The following FGF1 variants were observed in gnomAD, a reference collection of about 807,000 sequenced individuals.
The protein encoded by FGF1 is beta-endothelial cell growth factor.
FGF1 carries 9 observed loss-of-function variants against 13.4 expected under a neutral mutation model. That is an observed-to-expected ratio of 0.67 (90% CI 0.40 to 1.17). The LOEUF is 1.17. Among genes scored for constraint, FGF1 ranks in the 50% most tolerant of loss-of-function variants. The pLI, the probability that FGF1 is intolerant of heterozygous loss-of-function variation, is 0.01. For missense variants in FGF1, 156 were observed against 192.7 expected (o/e 0.81, Z 1.13); for synonymous variants, 93 against 79.0 (o/e 1.18, Z -0.94).
At chr5:142,607,528 A>C (rs76528118) in intron 2 of FGF1, among the ~76,000 whole-genome samples, 2 of 152,364 alleles carry the variant, frequency 1.3e-5, no homozygotes, top group South Asian at 4.1e-4. Flanking sequence ...ATGGAAAGCA[A>C]CTTTTAAAAA....
At chr5:142,602,718 CT>C (rs148048736) in intron 2 of FGF1, among the ~76,000 whole-genome samples, 30 of 147,444 alleles carry the variant, frequency 2.0e-4, no homozygotes, top group East Asian at 7.9e-4. Flanking sequence ...CTGCACCTTG[CT>C]TTTTTTTTTG....
At chr5:142,662,754 G>T (rs1032444037) in intron 1 of FGF1, among the ~76,000 whole-genome samples, 3 of 152,162 alleles carry the variant, frequency 2.0e-5, no homozygotes, top group Non-Finnish European at 2.9e-5. Context: ...CCTGTAGGTA[G>T]CACTTTTCAT....
Position 142,593,337 on chromosome 5 carries a change from C to T in FGF1, c.*1953G>A, listed in dbSNP as rs1754633606. 1 of 152,096 alleles carries T rather than the reference C, an allele frequency of 6.6e-6. No homozygotes were observed. The highest frequency in any genetic ancestry group is 2.4e-5 in the African/African-American group (1 of 41,418). 9.4% of individuals were successfully genotyped at this position (152,096 alleles called of 1,614,324 possible). On this transcript the variant is annotated 3_prime_UTR_variant, in exon 4 of 4. Coordinates refer to ENST00000337706, the MANE Select transcript of FGF1 (RefSeq NM_000800.5). Reference sequence around the variant, plus strand: ...TAAAATAAAACAGATTGATCTTATCCAAGTAACAAAAACAAAAAAGTTATG... The same window carrying T: ...TAAAATAAAACAGATTGATCTTATCTAAGTAACAAAAACAAAAAAGTTATG...
chr5:142,638,778 G>A (rs1007332257), intron 1 of FGF1, among the ~76,000 whole-genome samples: 1 of 152,008 alleles, frequency 6.6e-6, no homozygotes, highest in Non-Finnish European at 1.5e-5. Context: ...AAACACATCT[G>A]ATAAGGTGTT....
At chr5:142,685,649 T>C (rs1349099208) in intron 1 of FGF1, 1 of 152,170 alleles carries the variant, frequency 6.6e-6, no homozygotes, top group East Asian at 1.9e-4. Flanking sequence ...TGTGGCGGCA[T>C]GGTGCATTCA....
At chr5:142,600,488 T>C (rs1276179744) in intron 3 of FGF1, among the ~76,000 whole-genome samples, 3 of 152,268 alleles carry the variant, frequency 2.0e-5, no homozygotes, top group Non-Finnish European at 2.9e-5. Context: ...TCTGTGTTTA[T>C]ATGATAATAC....
chr5:142,684,012 C>T (rs1004766468), intron 1 of FGF1, among the ~76,000 whole-genome samples: 3 of 152,140 alleles, frequency 2.0e-5, no homozygotes, highest in African/African-American at 7.2e-5. Flanking sequence ...GCTGTGCTTT[C>T]ACCACTTTAC....
intron 1 of FGF1, among the ~76,000 whole-genome samples, chr5:142,675,907 C>G (rs554229286): frequency 1.3e-5 from 2 of 152,174 alleles, no homozygotes; most frequent in Non-Finnish European, 2.9e-5. Context: ...TGGTTGGGAA[C>G]CCCAAAGCCT....
chr5:142,597,429 A>G (rs1446754254), intron 3 of FGF1, among the ~76,000 whole-genome samples: 1 of 152,232 alleles, frequency 6.6e-6, no homozygotes, highest in African/African-American at 2.4e-5. Flanking sequence ...ACATTTATTA[A>G]GTTGAAAATC....
intron 1 of FGF1, among the ~76,000 whole-genome samples, chr5:142,632,922 C>CT (rs5871821): frequency 6.8e-4 from 96 of 140,612 alleles, no homozygotes; most frequent in South Asian, 2.1e-3. Flanking sequence ...AGGTTGTTTA[C>CT]TTTTTTTTTT....
At position 142,598,837 on chromosome 5, in the gene FGF1, C is replaced by T. The variant is rs770128693; in HGVS notation, c.273+1865G>A. On this transcript the variant is annotated intron_variant, in intron 3 of 3. Coordinates refer to ENST00000337706, the MANE Select transcript of FGF1 (RefSeq NM_000800.5). ...GGAGAAGGGGGTGCCTGGAGCCTAT[C>T]GGAAATTAGATTCTGGGAGTTCTCC... Among the ~76,000 whole-genome samples the T allele has an allele frequency of 5.3e-5, 8 of 152,074 alleles. No individual in the cohort carries two copies. In the South Asian group the frequency reaches 8.3e-4, roughly 16 times the overall value.
chr5:142,686,588 G>A (rs1284276030), upstream of FGF1: 1 of 152,302 alleles, frequency 6.6e-6, no homozygotes, highest in Non-Finnish European at 1.5e-5. Context: ...GGAGTCAGAA[G>A]GCTGCTGGAT....
intron 1 of FGF1, among the ~76,000 whole-genome samples, chr5:142,634,206 A>C (rs890764885): frequency 1.3e-5 from 2 of 151,824 alleles, no homozygotes; most frequent in African/African-American, 2.4e-5. Flanking sequence ...AAAAAAAAAA[A>C]AAAAAAACTC....
At chr5:142,665,429 A>G (rs1337498278) in intron 1 of FGF1, among the ~76,000 whole-genome samples, 1 of 150,288 alleles carries the variant, frequency 6.7e-6, no homozygotes, top group Non-Finnish European at 1.5e-5. Flanking sequence ...GTACTGGCTC[A>G]CTCCTCCTTG....
intron 1 of FGF1, among the ~76,000 whole-genome samples, chr5:142,621,779 A>G (rs1228964086): frequency 6.6e-6 from 1 of 151,690 alleles, no homozygotes; most frequent in Admixed American, 6.6e-5. Context: ...CTCCCTCCAA[A>G]CTTGCCTTCC....
At chr5:142,630,713 A>T (rs1273318571) in intron 1 of FGF1, among the ~76,000 whole-genome samples, 5 of 152,242 alleles carry the variant, frequency 3.3e-5, no homozygotes, top group Admixed American at 2.6e-4. Flanking sequence ...GTCCCTCTGC[A>T]GCAGTGCCCT....
At chr5:142,597,317 G>C (rs907688358) in intron 3 of FGF1, among the ~76,000 whole-genome samples, 4 of 152,174 alleles carry the variant, frequency 2.6e-5, no homozygotes, top group African/African-American at 9.7e-5. Context: ...CTGAACCAAT[G>C]GTTATAGGGG....
chr5:142,632,509 C>T (rs896933952), intron 1 of FGF1, among the ~76,000 whole-genome samples: 1 of 152,118 alleles, frequency 6.6e-6, no homozygotes, highest in Non-Finnish European at 1.5e-5. Flanking sequence ...GACATCAGTC[C>T]ACTTACAAAC....
At chr5:142,598,090 A>G (rs1755677102) in intron 3 of FGF1, among the ~76,000 whole-genome samples, 1 of 152,208 alleles carries the variant, frequency 6.6e-6, no homozygotes, top group Non-Finnish European at 1.5e-5. Flanking sequence ...CTTGGTGCAG[A>G]CATTCGTGTT....
Sources: gnomAD v4.1 joint callset for allele counts (sites outside exome capture counted in the v4.1 genomes callset) on GRCh38, gnomAD v4.1.1 for gene constraint, MANE v1.5 for transcripts, NCBI Gene and HGNC (gene_info 2026-07-23, HGNC 2026-07-21) for gene names.